C1QTNF3: variants seen among roughly 807,000 people sequenced by gnomAD.
C1QTNF3 encodes the protein C1q and TNF related 3.
A neutral mutation model predicts 32.6 loss-of-function variants in C1QTNF3; 26 were observed. That is an observed-to-expected ratio of 0.80 (90% CI 0.58 to 1.11). The LOEUF is 1.11. Ranked by LOEUF, C1QTNF3 falls within the 50% of genes least tolerant of loss-of-function variation. The probability of loss-of-function intolerance (pLI) is 0.00; values close to 1 mark genes in which losing one functional copy is unlikely to be tolerated. For synonymous variants in C1QTNF3, 155 were observed against 146.0 expected, an observed-to-expected ratio of 1.06 and a Z score of -0.44; for missense variants, 362 against 398.2, an observed-to-expected ratio of 0.91 and a Z score of 0.77.
chr5:34,145,654 T>C, the C1QTNF3 span, among the ~76,000 whole-genome samples: 1 of 119,194 alleles, frequency 8.4e-6, no homozygotes, highest in African/African-American at 3.3e-5. Context: ...ATCAACCTGA[T>C]ACCACAATCT....
the C1QTNF3 span, among the ~76,000 whole-genome samples, chr5:34,050,134 A>G: frequency 6.6e-6 from 1 of 152,204 alleles, no homozygotes; most frequent in East Asian, 1.9e-4. Context: ...TCCAGAGAAG[A>G]TAGGATAAGC....
the C1QTNF3 span, among the ~76,000 whole-genome samples, chr5:34,223,634 C>A: frequency 6.6e-6 from 1 of 151,982 alleles, no homozygotes; most frequent in South Asian, 2.1e-4. Flanking sequence ...ACAGTCCCAC[C>A]AACAGTGTAA....
the C1QTNF3 span, among the ~76,000 whole-genome samples, chr5:34,123,863 G>A: frequency 6.6e-6 from 1 of 152,086 alleles, no homozygotes; most frequent in African/African-American, 2.4e-5. Context: ...ATACGTATGC[G>A]AGTGTATGTG....
chr5:34,140,247 A>T, the C1QTNF3 span, among the ~76,000 whole-genome samples: 1 of 152,240 alleles, frequency 6.6e-6, no homozygotes, highest in East Asian at 1.9e-4. Context: ...AGACTGTACC[A>T]GTAATTCGTG....
the C1QTNF3 span, among the ~76,000 whole-genome samples, chr5:34,048,280 G>A: frequency 7.4e-6 from 1 of 134,484 alleles, no homozygotes. Flanking sequence ...GTGTATGTGT[G>A]TGTGTGCATG....
At chr5:34,113,596 C>T in the C1QTNF3 span, among the ~76,000 whole-genome samples, 7 of 151,932 alleles carry the variant, frequency 4.6e-5, no homozygotes, top group Non-Finnish European at 1.0e-4. Context: ...ATTATTAATA[C>T]ATTGAAAAAA....
At chr5:34,217,167 C>T in the C1QTNF3 span, among the ~76,000 whole-genome samples, 6 of 152,146 alleles carry the variant, frequency 3.9e-5, no homozygotes, top group Admixed American at 2.0e-4. Context: ...TTTTAGAGTG[C>T]TATTCTAGTA....
At chr5:34,135,661 A>G in the C1QTNF3 span, among the ~76,000 whole-genome samples, 1 of 150,644 alleles carries the variant, frequency 6.6e-6, no homozygotes, top group Non-Finnish European at 1.5e-5. Context: ...TGCCAAGACA[A>G]TCCTAAGCAA....
At chr5:34,222,711 C>T in the C1QTNF3 span, among the ~76,000 whole-genome samples, 6 of 151,986 alleles carry the variant, frequency 3.9e-5, no homozygotes, top group East Asian at 7.7e-4. Context: ...AAAAAAACTA[C>T]GAATTTAACA....
In C1QTNF3 at chr5:34,030,476, T is replaced by A. The variant is rs140344098; in HGVS notation, c.571-1593A>T. On this transcript the variant is annotated intron_variant, in intron 3 of 5. Transcript: ENST00000382065. ...AGTAATTGGGCCTCAAATTTCTATA[T>A]CCCCTAAGTGGAGAATGGGGTAGTA... Among the ~76,000 whole-genome samples, 8 of 152,328 alleles carry A rather than the reference T, an allele frequency of 5.3e-5. No individual in the cohort carries two copies. The East Asian group carries it at 1.5e-3, about 29-fold the overall frequency.
the C1QTNF3 span, among the ~76,000 whole-genome samples, chr5:34,095,233 T>C: frequency 1.3e-5 from 2 of 151,968 alleles, no homozygotes; most frequent in African/African-American, 4.8e-5. Context: ...CTTCTCTTCA[T>C]CTCCTCTTCT....
At chr5:34,196,936 A>T in the C1QTNF3 span, among the ~76,000 whole-genome samples, 4 of 152,420 alleles carry the variant, frequency 2.6e-5, no homozygotes, top group South Asian at 8.3e-4. Flanking sequence ...CTGGGATTAC[A>T]GGCGTGAGCC....
chr5:34,145,411 A>G, the C1QTNF3 span, among the ~76,000 whole-genome samples: 1 of 152,084 alleles, frequency 6.6e-6, no homozygotes, highest in Non-Finnish European at 1.5e-5. Context: ...ATTCCTGGAA[A>G]CAGATAATAC....
the C1QTNF3 span, among the ~76,000 whole-genome samples, chr5:34,211,128 C>T: frequency 6.6e-6 from 1 of 150,944 alleles, no homozygotes; most frequent in Admixed American, 6.6e-5. Context: ...AAAAATGACA[C>T]AATTAGTTTC....
chr5:34,242,374 G>A, the C1QTNF3 span, among the ~76,000 whole-genome samples: 1 of 152,130 alleles, frequency 6.6e-6, no homozygotes, highest in African/African-American at 2.4e-5. Context: ...CCACCATCTG[G>A]ATCGTGGACA....
chr5:34,030,348 C>A (rs1421837811), intron 3 of C1QTNF3, among the ~76,000 whole-genome samples: 1 of 152,140 alleles, frequency 6.6e-6, no homozygotes, highest in Admixed American at 6.5e-5. Context: ...CGGTGGCAAC[C>A]AAGAGGCTCT....
chr5:34,234,059 C>T, the C1QTNF3 span, among the ~76,000 whole-genome samples: 2 of 152,026 alleles, frequency 1.3e-5, no homozygotes, highest in Admixed American at 1.3e-4. Context: ...ATTTCAAACA[C>T]CTATCATAGT....
At chr5:34,093,152 G>A in the C1QTNF3 span, among the ~76,000 whole-genome samples, 1 of 151,944 alleles carries the variant, frequency 6.6e-6, no homozygotes. Context: ...TGCTACTGCA[G>A]CCAACAATAG....
upstream of C1QTNF3, among the ~76,000 whole-genome samples, chr5:34,044,632 G>A (rs1456399923): frequency 6.6e-6 from 1 of 152,168 alleles, no homozygotes. Flanking sequence ...CGCTTCCAGA[G>A]TCCACACTTA....
Sources: allele counts gnomAD v4.1 joint callset (sites outside exome capture counted in the v4.1 genomes callset), GRCh38; gene constraint gnomAD v4.1.1; transcripts MANE v1.5; gene names NCBI Gene and HGNC (gene_info 2026-07-23, HGNC 2026-07-21).